IL13RA1: variants seen among roughly 807,000 people sequenced by gnomAD.
IL13RA1 encodes interleukin 13 receptor subunit alpha 1.
A neutral mutation model predicts 33.8 loss-of-function variants in IL13RA1; 14 were observed. The observed-to-expected ratio is 0.41, with a 90% CI of 0.27 to 0.65. The LOEUF (loss-of-function observed/expected upper bound fraction) is 0.65. IL13RA1 is among the 30% of genes least tolerant of loss of function. The pLI is 0.28. For synonymous variants in IL13RA1, 116 were observed against 115.7 expected (o/e 1.00, Z -0.02); for missense variants, 313 against 327.0 (o/e 0.96, Z 0.33).
intron 10 of IL13RA1, among the ~76,000 whole-genome samples, 185 bp downstream of exon 10, chrX:118,776,696 C>T (rs1335355035): frequency 9.1e-6 from 1 of 109,339 alleles, no homozygotes; most frequent in East Asian, 2.9e-4. Flanking sequence ...CTTTGGGAGG[C>T]TGAGGCAGGA....
At position 118,727,743 on chromosome X, in the gene IL13RA1, G is replaced by A; in HGVS notation, c.88+17G>A. 2 of 759,974 alleles carry A rather than the reference G, an allele frequency of 2.6e-6. No homozygotes were observed. Among genetic ancestry groups the A allele is most frequent in the Non-Finnish European group, 3.3e-6 (2 of 602,409 alleles). The allele number at this position is 759,974 out of a possible 1,213,427, so 62.6% of individuals were successfully genotyped here. ...CGCCTACGGGTGAGTGCGACCCTCG[G>A]GGCCCGAGGGGCGGCCGGAGGGCTG... On this transcript the variant is annotated intron_variant, in intron 1 of 10. Coordinates refer to ENST00000371666, the MANE Select transcript of IL13RA1 (RefSeq NM_001560.3).
intron 9 of IL13RA1, among the ~76,000 whole-genome samples, chrX:118,776,083 GA>G (rs2017777959): frequency 9.0e-6 from 1 of 111,321 alleles, no homozygotes; most frequent in African/African-American, 3.3e-5. Flanking sequence ...AGAAACAGAG[GA>G]ATGTATCCTG....
At chrX:118,753,813 C>T (rs1366004073) in intron 4 of IL13RA1, among the ~76,000 whole-genome samples, 1 of 112,876 alleles carries the variant, frequency 8.9e-6, no homozygotes, top group Non-Finnish European at 1.9e-5. Context: ...AGCCACCGCA[C>T]CTGGCCTACT....
chrX:118,739,243 G>T (rs1603207834), intron 1 of IL13RA1, among the ~76,000 whole-genome samples: 1 of 112,151 alleles, frequency 8.9e-6, no homozygotes, highest in East Asian at 2.8e-4. Flanking sequence ...TGAATGTTGA[G>T]GGTCAAGGGC....
intron 10 of IL13RA1, among the ~76,000 whole-genome samples, chrX:118,786,362 G>T (rs1786114119): frequency 9.2e-6 from 1 of 109,158 alleles, no homozygotes; most frequent in African/African-American, 3.4e-5. Flanking sequence ...CTGCACTCCA[G>T]CCCGGGCAAC....
intron 8 of IL13RA1, among the ~76,000 whole-genome samples, chrX:118,771,521 A>G (rs1167736861): frequency 8.9e-6 from 1 of 112,333 alleles, no homozygotes; most frequent in Non-Finnish European, 1.9e-5. Context: ...GGAAATCACT[A>G]CCCTGAACCT....
chrX:118,766,909 C>T lies in IL13RA1; in HGVS notation c.942C>T (p.Val314=). Reference sequence around the variant, plus strand: ...CTTTGAACACAGTCAGAATAAGAGTCAAAACAAATAAGTTATGCTATGAGG... The same window carrying T: ...CTTTGAACACAGTCAGAATAAGAGTTAAAACAAATAAGTTATGCTATGAGG... The part of the protein sequence containing the change: ...PDTLNTVRIR[V]KTNKLCYEDD... Residue 314 remains valine (V), a synonymous_variant, in exon 8 of 11, where the codon GTC becomes GTT. Transcript: ENST00000371666. 1 of 1,099,912 alleles carries T rather than the reference C, an allele frequency of 9.1e-7. No individual in the cohort carries two copies. Among genetic ancestry groups the T allele is most frequent in the Non-Finnish European group, 1.3e-6 (1 of 796,943 alleles). 90.6% of individuals were successfully genotyped at this position (1,099,912 alleles called of 1,213,427 possible).
At chrX:118,741,227 A>G in intron 2 of IL13RA1, 71 bp downstream of exon 2, 1 of 666,202 alleles carries the variant, frequency 1.5e-6, no homozygotes. Context: ...AGAATAAGCC[A>G]AATTCTAGTC....
At chrX:118,747,195 C>A in intron 3 of IL13RA1, 103 bp downstream of exon 3, 1 of 522,371 alleles carries the variant, frequency 1.9e-6, no homozygotes, top group Non-Finnish European at 3.2e-6. Flanking sequence ...CAAACATTTT[C>A]TGAGTCTAAT....
intron 1 of IL13RA1, among the ~76,000 whole-genome samples, chrX:118,732,723 A>G (rs892526946): frequency 1.8e-5 from 2 of 111,733 alleles, no homozygotes; most frequent in Non-Finnish European, 3.8e-5. Flanking sequence ...GTCCCTACAA[A>G]GGAGATGAAC....
intron 8 of IL13RA1, among the ~76,000 whole-genome samples, chrX:118,773,638 C>A (rs988037815): frequency 1.8e-5 from 2 of 111,351 alleles, no homozygotes; most frequent in African/African-American, 6.5e-5. Context: ...TAAAAAATAT[C>A]CTAATTTCAG....
At chrX:118,795,211 C>CAAAAAAAAAAAAAAAAAAAAAAAAAAA (rs1222782237), downstream of IL13RA1, among the ~76,000 whole-genome samples, 2 of 27,000 alleles carry the variant, frequency 7.4e-5, no homozygotes, top group African/African-American at 3.1e-4. Flanking sequence ...GACTCCGTCT[C>CAAAAAAAAAAAAAAAAAAAAAAAAAAA]AAAAAAAAAA....
At chrX:118,728,788 T>C (rs1263400289) in intron 1 of IL13RA1, among the ~76,000 whole-genome samples, 1 of 111,078 alleles carries the variant, frequency 9.0e-6, no homozygotes, top group Non-Finnish European at 1.9e-5. Context: ...GCAAAACAGA[T>C]GAGGTGCCTG....
chrX:118,753,076 T>C (rs1270789311), intron 4 of IL13RA1, among the ~76,000 whole-genome samples: 1 of 111,867 alleles, frequency 8.9e-6, no homozygotes. Flanking sequence ...TCTATGTCTA[T>C]ATAAGGGACT....
chrX:118,784,129 G>GTATATATA lies in IL13RA1; in HGVS notation c.1192-7622_1192-7615dup, dbSNP rs72041786. Among the ~76,000 whole-genome samples the GTATATATA allele has an allele frequency of 1.4e-3, 85 of 61,512 alleles. 3 individuals carry two copies. Among genetic ancestry groups the GTATATATA allele is most frequent in the South Asian group, 2.6e-3 (3 of 1,158 alleles). 53.4% of individuals were successfully genotyped at this position (61,512 alleles called of 115,157 possible). ...TATATACGTATATATGTATATATAT[G>GTATATATA]TATATATATATATATATACGTATAT... On this transcript the variant is annotated intron_variant, in intron 10 of 10. Transcript: ENST00000371666.
At chrX:118,772,842 C>G (rs1477013356) in intron 8 of IL13RA1, among the ~76,000 whole-genome samples, 3 of 112,003 alleles carry the variant, frequency 2.7e-5, no homozygotes, top group African/African-American at 9.7e-5. Flanking sequence ...CTGAAAGTTA[C>G]TGAACAATGG....
rs1312992090 is a variant in IL13RA1 at position 118,749,615 on chromosome X, A to G, written c.368-43A>G. ...AAAGAGTGATTTGCTACTTTGCATT[A>G]CAAGGAAAGAAGGGTCTTAAACTCT... On this transcript the variant is annotated intron_variant, in intron 3 of 10. Coordinates refer to ENST00000371666, the MANE Select transcript of IL13RA1 (RefSeq NM_001560.3). 3 of 1,177,735 alleles carry G rather than the reference A, an allele frequency of 2.5e-6. No individual in the cohort carries two copies. The Admixed American group carries it at 6.6e-5, about 26-fold the overall frequency.
chrX:118,785,551 T>C (rs2017906889), intron 10 of IL13RA1, among the ~76,000 whole-genome samples: 1 of 111,935 alleles, frequency 8.9e-6, no homozygotes, highest in African/African-American at 3.2e-5. Context: ...AATTTTGAAA[T>C]GATTATTTTC....
intron 6 of IL13RA1, among the ~76,000 whole-genome samples, chrX:118,763,942 T>C (rs2017618009): frequency 8.9e-6 from 1 of 112,143 alleles, no homozygotes; most frequent in Non-Finnish European, 1.9e-5. Flanking sequence ...GAGTTTAATA[T>C]TCTTCCTCCT....
Sources: gnomAD v4.1 joint callset for allele counts (sites outside exome capture counted in the v4.1 genomes callset) on GRCh38, gnomAD v4.1.1 for gene constraint, MANE v1.5 for transcripts, NCBI Gene and HGNC (gene_info 2026-07-23, HGNC 2026-07-21) for gene names.